The following NIBAN2 variants were observed in gnomAD, a reference collection of about 807,000 sequenced individuals.
The protein encoded by NIBAN2 is protein Niban 2.
NIBAN2 carries 36 observed loss-of-function variants against 81.8 expected under a neutral mutation model. That is an observed-to-expected ratio of 0.44 (90% CI 0.34 to 0.58). The LOEUF is 0.58. NIBAN2 is among the 20% of genes least tolerant of loss of function. The pLI, the probability that NIBAN2 is intolerant of heterozygous loss-of-function variation, is 0.02. For synonymous variants in NIBAN2, 445 were observed against 441.6 expected, an observed-to-expected ratio of 1.01 and a Z score of -0.10; for missense variants, 897 against 1,014.1, an observed-to-expected ratio of 0.88 and a Z score of 1.57.
Position 127,525,090 on chromosome 9 carries a change from T to G in NIBAN2, c.389A>C (p.Gln130Pro). 1 of 1,614,154 alleles carries G rather than the reference T, an allele frequency of 6.2e-7. No individual in the cohort carries two copies. Among genetic ancestry groups the G allele is most frequent in the Non-Finnish European group, 8.5e-7 (1 of 1,179,988 alleles). The change falls in exon 4 of 14, where the codon CAA becomes CCA. Residue 130 changes from glutamine to proline, a missense_variant. Around this residue, in one of 3 missense-constraint regions of NIBAN2, gnomAD observed 209 missense variants for 208.4 expected, o/e 1.00. Coordinates refer to ENST00000373312, the MANE Select transcript of NIBAN2 (RefSeq NM_022833.4). The stretch of plus-strand genomic sequence containing the variant: ...GGAGTTGCCAATGAGCTCCAGGTAT[T>G]GGTCCACGGACGTGAGGATTTTGTA... The part of the protein sequence containing the change: ...AGYKILTSVD[Q>P]YLELIGNSLP...
Position 127,517,392 on chromosome 9 carries a change from A to G in NIBAN2, c.706-176T>C, listed in dbSNP as rs964379173. On this transcript the variant is annotated intron_variant, in intron 6 of 13. Transcript: ENST00000373312. The surrounding 1 kb of genome is among the most constrained non-coding windows in gnomAD (Gnocchi z 4.0). ...GCTCCATTCCCACAGGTCCCAACTC[A>G]TCTGCCTGGGTGTCCTGTAGGATCC... Among the ~76,000 whole-genome samples, 2 of 152,070 alleles carry G rather than the reference A, an allele frequency of 1.3e-5. No individual in the cohort carries two copies. Among genetic ancestry groups the G allele is most frequent in the Admixed American group, 1.3e-4 (2 of 15,270 alleles).
intron 8 of NIBAN2, among the ~76,000 whole-genome samples, chr9:127,516,277 T>C (rs1418232302): frequency 6.6e-6 from 1 of 152,218 alleles, no homozygotes; most frequent in Non-Finnish European, 1.5e-5. Context: ...CTGGGCACAG[T>C]GGCTCATGCC....
Position 127,563,585 on chromosome 9 carries a change from C to T in NIBAN2, c.55+5235G>A, listed in dbSNP as rs1053516203. Among the ~76,000 whole-genome samples, 15 of 151,560 alleles carry T rather than the reference C, an allele frequency of 9.9e-5. No homozygotes were observed. In the East Asian group the frequency reaches 2.5e-3, roughly 26 times the overall value. ...TCACCCAGGCTGGAGTGCAATGGTG[C>T]GATCTCGTCTCACTGCAACCTCCAC... On this transcript the variant is annotated intron_variant, in intron 1 of 13. Coordinates refer to ENST00000373312, the MANE Select transcript of NIBAN2 (RefSeq NM_022833.4). This position sits in a 1 kb window ranked among gnomAD's most constrained non-coding sequence, Gnocchi z 4.1.
At position 127,523,230 on chromosome 9, in the gene NIBAN2, T is replaced by A. The variant is rs1564301449; in HGVS notation, c.589+449A>T. 4.8e-3 allele frequency among the ~76,000 whole-genome samples: 94 copies of A among 19,750 alleles called. 10 individuals carry two copies. Among genetic ancestry groups the A allele is most frequent in the African/African-American group, 0.018 (69 of 3,874 alleles). 13.0% of individuals were successfully genotyped at this position (19,750 alleles called of 152,430 possible). A position where few individuals can be genotyped will look rare whatever the true frequency, so the allele number is the denominator to read the frequency against. ...ATATATATATATATATATATATATA[T>A]ATATATATATATATATATATATAAA... is the stretch of plus-strand genomic sequence containing the variant. On this transcript the variant is annotated intron_variant, in intron 5 of 13. Transcript: ENST00000373312.
chr9:127,558,854 T>C (rs949707541), intron 1 of NIBAN2, among the ~76,000 whole-genome samples: 5 of 152,092 alleles, frequency 3.3e-5, no homozygotes, highest in Admixed American at 2.6e-4. Flanking sequence ...TAAAACGCAA[T>C]TGCCATTTAC....
intron 1 of NIBAN2, among the ~76,000 whole-genome samples, chr9:127,577,693 G>T (rs1838025692): frequency 6.8e-6 from 1 of 147,902 alleles, no homozygotes; most frequent in East Asian, 2.0e-4. Flanking sequence ...CACAAAATGG[G>T]CTTCTCTGCT....
In NIBAN2 at chr9:127,543,639, C is replaced by T. The variant is rs79666917; in HGVS notation, c.56-11861G>A. On this transcript the variant is annotated intron_variant, in intron 1 of 13. Coordinates refer to ENST00000373312, the MANE Select transcript of NIBAN2 (RefSeq NM_022833.4). ...CGCAACCTCAGCCCCGCTCTCCTTC[C>T]CATCCCCACACCCTGGGCGTCTCTC... 4.8e-3 allele frequency among the ~76,000 whole-genome samples: 728 copies of T among 152,312 alleles called. 8 individuals carry two copies. The highest frequency in any genetic ancestry group is 0.046 in the East Asian group (237 of 5,184).
At chr9:127,555,634 G>T (rs1317206888) in intron 1 of NIBAN2, among the ~76,000 whole-genome samples, 2 of 152,200 alleles carry the variant, frequency 1.3e-5, no homozygotes, top group East Asian at 3.8e-4. Flanking sequence ...AGATCCTGAG[G>T]CCCCAGGTGG....
Position 127,510,226 on chromosome 9 carries a change from C to T in NIBAN2, c.1081G>A (p.Val361Met), listed in dbSNP as rs767914409. Reference sequence around the variant, plus strand: ...ACCTCCTTGAAGAAGACATCTCGCACCTCAGTGAAGCCCTGGCTGGTGGGG... The same window carrying T: ...ACCTCCTTGAAGAAGACATCTCGCATCTCAGTGAAGCCCTGGCTGGTGGGG... ...MVPTSQGFTEVRDVFFKEVTD... is the reference protein window; with the variant it reads ...MVPTSQGFTEMRDVFFKEVTD... The change falls in exon 9 of 14, where the codon GTG becomes ATG. Residue 361 changes from valine (V) to methionine (M), a missense_variant. Physicochemically the swap from Val to Met is conservative, Grantham distance 21. Around this residue, in one of 3 missense-constraint regions of NIBAN2, gnomAD observed 619 missense variants for 691.0 expected, o/e 0.90. Coordinates refer to ENST00000373312, the MANE Select transcript of NIBAN2 (RefSeq NM_022833.4). 8.7e-6 allele frequency: 14 copies of T among 1,614,076 alleles called. No individual in the cohort carries two copies. The highest frequency in any genetic ancestry group is 6.7e-5 in the Admixed American group (4 of 60,006).
At chr9:127,554,548 C>CTTTTTTTTTTTTTTTTT (rs1230242603) in intron 1 of NIBAN2, among the ~76,000 whole-genome samples, 511 of 103,716 alleles carry the variant, frequency 4.9e-3, no homozygotes, top group Middle Eastern at 9.4e-3. Flanking sequence ...TTTTCTTTTT[C>CTTTTTTTTTTTTTTTTT]TTTTTTTTTT....
At chr9:127,569,268 T>A (rs1183119898), upstream of NIBAN2, among the ~76,000 whole-genome samples, 1 of 144,058 alleles carries the variant, frequency 6.9e-6, no homozygotes, top group Non-Finnish European at 1.5e-5. Flanking sequence ...CCGCCCCGTA[T>A]GCCCCGCCCC....
intron 1 of NIBAN2, among the ~76,000 whole-genome samples, chr9:127,539,609 G>A (rs529163185): frequency 9.5e-4 from 144 of 152,274 alleles, no homozygotes; most frequent in African/African-American, 3.3e-3. Context: ...AAATGGGAGG[G>A]TGGGTCCCTG....
At chr9:127,571,123 CA>C (rs1420244556), upstream of NIBAN2, among the ~76,000 whole-genome samples, 2 of 152,190 alleles carry the variant, frequency 1.3e-5, no homozygotes, top group African/African-American at 2.4e-5. Flanking sequence ...AGGCCTAGGC[CA>C]GGGGGGTTAG....
At chr9:127,548,516 G>T (rs539431605) in intron 1 of NIBAN2, among the ~76,000 whole-genome samples, 61 of 152,306 alleles carry the variant, frequency 4.0e-4, no homozygotes, top group South Asian at 1.0e-3. Flanking sequence ...GCAGCCTTAG[G>T]GGGTGGAGAA....
chr9:127,521,352 C>T (rs914066047), intron 5 of NIBAN2, among the ~76,000 whole-genome samples: 1 of 152,134 alleles, frequency 6.6e-6, no homozygotes, highest in African/African-American at 2.4e-5. Flanking sequence ...AACTGCATTC[C>T]TCACTCCCAG....
chr9:127,540,438 G>T (rs1359423816), intron 1 of NIBAN2, among the ~76,000 whole-genome samples: 2 of 152,212 alleles, frequency 1.3e-5, no homozygotes, highest in Non-Finnish European at 2.9e-5. Context: ...GCCAAGCTAA[G>T]GAGTTCCTTC....
Position 127,545,053 on chromosome 9 carries a change from G to C in NIBAN2, c.56-13275C>G, listed in dbSNP as rs908432340. On this transcript the variant is annotated intron_variant, in intron 1 of 13. Transcript: ENST00000373312. The surrounding 1 kb of genome is among the most constrained non-coding windows in gnomAD (Gnocchi z 4.7). ...CATCTTGGGGAGAAACAGGTGAATG[G>C]GGCTTTCACACCCAGCGAACCCAAG... is the stretch of plus-strand genomic sequence containing the variant. 6.6e-6 allele frequency among the ~76,000 whole-genome samples: 1 copy of C among 152,134 alleles called. No homozygotes were observed. Among genetic ancestry groups the C allele is most frequent in the Non-Finnish European group, 1.5e-5 (1 of 68,026 alleles).
intron 1 of NIBAN2, among the ~76,000 whole-genome samples, chr9:127,535,016 G>A (rs1050256370): frequency 2.7e-5 from 4 of 150,438 alleles, no homozygotes; most frequent in Admixed American, 1.3e-4. Context: ...AGCCAGTGCT[G>A]TTGTTTTCCT....
intron 8 of NIBAN2, among the ~76,000 whole-genome samples, chr9:127,510,874 T>C (rs2132155364): frequency 6.6e-6 from 1 of 152,282 alleles, no homozygotes; most frequent in Non-Finnish European, 1.5e-5. Flanking sequence ...ATTATCATTT[T>C]TATTTCAACT....
Sources: gnomAD v4.1 joint callset for allele counts (sites outside exome capture counted in the v4.1 genomes callset) on GRCh38, gnomAD v4.1.1 for gene constraint, gnomAD v4.1.1 regional missense constraint, Gnocchi (gnomAD v3.1) non-coding constraint, MANE v1.5 for transcripts, NCBI Gene and HGNC (gene_info 2026-07-23, HGNC 2026-07-21) for gene names.